The following ZNF583 variants were observed in gnomAD, a reference collection of about 807,000 sequenced individuals.
ZNF583 encodes zinc finger protein 583.
Under a neutral mutation model 55.3 loss-of-function variants are expected in ZNF583, and 30 were observed. The ratio of observed to expected loss-of-function variants is 0.54; its 90% CI spans 0.41 to 0.74. ZNF583 has a LOEUF of 0.74. Among genes scored for constraint, ZNF583 ranks in the 30% least tolerant of loss-of-function variants. ZNF583 has a pLI of 0.00. For missense variants in ZNF583, 504 were observed against 664.7 expected (o/e 0.76, Z 2.66); for synonymous variants, 208 against 220.0 (o/e 0.95, Z 0.48).
At chr19:56,418,015 T>C (rs1225334038) in intron 4 of ZNF583, among the ~76,000 whole-genome samples, 2 of 152,232 alleles carry the variant, frequency 1.3e-5, no homozygotes, top group Admixed American at 6.5e-5. Context: ...ATATGTCTAT[T>C]GTCTCACCAG....
intron 2 of ZNF583, among the ~76,000 whole-genome samples, chr19:56,408,647 GT>G (rs1320221036): frequency 6.6e-6 from 1 of 152,208 alleles, no homozygotes; most frequent in Non-Finnish European, 1.5e-5. Flanking sequence ...GATGTAAGAA[GT>G]TGTAATAAAA....
At chr19:56,415,056 G>A (rs1381811372) in intron 4 of ZNF583, among the ~76,000 whole-genome samples, 1 of 147,382 alleles carries the variant, frequency 6.8e-6, no homozygotes, top group Non-Finnish European at 1.5e-5. Flanking sequence ...GTTTTGTTTT[G>A]TTTTTCCCTT....
At chr19:56,420,384 G>A (rs1272790323) in intron 4 of ZNF583, among the ~76,000 whole-genome samples, 2 of 152,084 alleles carry the variant, frequency 1.3e-5, no homozygotes, top group African/African-American at 2.4e-5. Flanking sequence ...GTGTGCACTC[G>A]AATACATGTT....
At chr19:56,406,530 C>CTTTTTTTTTTTTTTTTTTTTTT (rs34274240) in intron 1 of ZNF583, among the ~76,000 whole-genome samples, 1 of 115,240 alleles carries the variant, frequency 8.7e-6, no homozygotes. Context: ...ATGTTGTATT[C>CTTTTTTTTTTTTTTTTTTTTTT]TTTTTTTTTT....
At position 56,414,071 on chromosome 19, in the gene ZNF583, G is replaced by A; in HGVS notation, c.122G>A (p.Ser41Asn). Residue 41 changes from serine (S) to asparagine (N), a missense_variant, in exon 3 of 5, where the codon AGC (serine) becomes AAC (asparagine). Physicochemically the swap from Ser to Asn is conservative, Grantham distance 46 (BLOSUM62 1). Transcript: ENST00000333201. ...AAAGTGATGTTGGAGAACTACAGGA[G>A]CTTGGTATCATTGGGTAAGGACATG... ...YRKVMLENYR[S>N]LVSLGVSVSK... The A allele has an allele frequency of 6.3e-7, 1 of 1,598,374 alleles. No individual in the cohort carries two copies. The highest frequency in any genetic ancestry group is 8.5e-7 in the Non-Finnish European group (1 of 1,173,384).
At chr19:56,411,889 C>A (rs977876641) in intron 2 of ZNF583, among the ~76,000 whole-genome samples, 5 of 152,110 alleles carry the variant, frequency 3.3e-5, no homozygotes, top group African/African-American at 1.2e-4. Flanking sequence ...AACATTGACT[C>A]ATTTTTTTTT....
At chr19:56,412,878 A>C (rs1203205859) in intron 2 of ZNF583, among the ~76,000 whole-genome samples, 1 of 152,122 alleles carries the variant, frequency 6.6e-6, no homozygotes, top group East Asian at 1.9e-4. Flanking sequence ...ATCTGTGACA[A>C]ATTTTTTCTT....
intron 2 of ZNF583, among the ~76,000 whole-genome samples, chr19:56,408,465 G>A (rs181690632): frequency 2.0e-5 from 3 of 152,296 alleles, no homozygotes; most frequent in East Asian, 1.9e-4. Context: ...AAATTTAGCC[G>A]TATGTAGCTA....
chr19:56,416,437 G>GT (rs1232928884), intron 4 of ZNF583, among the ~76,000 whole-genome samples: 5 of 150,228 alleles, frequency 3.3e-5, no homozygotes, highest in African/African-American at 9.8e-5. Flanking sequence ...CCAATTTTGT[G>GT]TTTTTTTCTG....
At position 56,414,051 on chromosome 19, in the gene ZNF583, G is replaced by A. The variant is rs753936320; in HGVS notation, c.102G>A (p.Val34=). The change falls in exon 3 of 5, where the codon GTG becomes GTA. Residue 34 remains valine, a synonymous_variant. Transcript: ENST00000333201. ...NPAQRNLYRK[V]MLENYRSLVS... is the part of the protein sequence containing the mutation. ...CTCAGAGGAATTTGTACAGGAAAGTGATGTTGGAGAACTACAGGAGCTTGG... is the reference window on the plus strand; with the variant it reads ...CTCAGAGGAATTTGTACAGGAAAGTAATGTTGGAGAACTACAGGAGCTTGG... 1.9e-5 allele frequency: 30 copies of A among 1,607,074 alleles called. No homozygotes were observed. Among genetic ancestry groups the A allele is most frequent in the Admixed American group, 3.4e-5 (2 of 58,806 alleles).
At position 56,424,047 on chromosome 19, in the gene ZNF583, C is replaced by A. The variant is rs1332743883; in HGVS notation, c.1389C>A (p.Pro463=). 4 of 1,613,722 alleles carry A rather than the reference C, an allele frequency of 2.5e-6. No homozygotes were observed. The highest frequency in any genetic ancestry group is 1.7e-5 in the Admixed American group (1 of 59,966). The change falls in exon 5 of 5, where the codon CCC becomes CCA. Residue 463 remains proline, a synonymous_variant. Transcript: ENST00000333201. ...QHQRSHTGEK[P]YMCKECRKTF... ...AGAGAAGTCATACTGGAGAAAAACC[C>A]TATATGTGTAAGGAATGTAGGAAAA...
Position 56,414,048 on chromosome 19 carries a change from A to G in ZNF583, c.99A>G (p.Lys33=), listed in dbSNP as rs201762230. Residue 33 remains lysine (K), a synonymous_variant, in exon 3 of 5, where the codon AAA becomes AAG. Coordinates refer to ENST00000333201, the MANE Select transcript of ZNF583 (RefSeq NM_152478.3). ...CTGCTCAGAGGAATTTGTACAGGAA[A>G]GTGATGTTGGAGAACTACAGGAGCT... The part of the protein sequence containing the change: ...LNPAQRNLYR[K]VMLENYRSLV... 1.4e-5 allele frequency: 23 copies of G among 1,607,510 alleles called. No individual in the cohort carries two copies. The Admixed American group carries it at 3.7e-4, about 26-fold the overall frequency.
upstream of ZNF583, chr19:56,404,286 C>T (rs1214702170): frequency 6.5e-6 from 1 of 152,758 alleles, no homozygotes; most frequent in Non-Finnish European, 1.5e-5. The surrounding 1 kb of genome is among the most constrained non-coding windows in gnomAD (Gnocchi z 5.2). Flanking sequence ...CTCTGCGCCG[C>T]GCCGGCCCCG....
chr19:56,423,797 A>G lies in ZNF583; in HGVS notation c.1139A>G (p.Tyr380Cys). The change falls in exon 5 of 5, where the codon TAC (tyrosine) becomes TGC (cysteine). Residue 380 changes from tyrosine to cysteine, a missense_variant. Tyr to Cys is a radical substitution (Grantham distance 194). This residue lies in a region of ZNF583 where 237 missense variants were observed against 373.0 expected (regional missense o/e 0.64). Transcript: ENST00000333201. Reference protein sequence around the residue: ...HQRIHTGERPYECKECRKAFS... With the variant: ...HQRIHTGERPCECKECRKAFS... ...AGAATTCATACTGGAGAGAGACCCT[A>G]CGAATGTAAGGAATGTAGGAAAGCC... is the stretch of plus-strand genomic sequence containing the variant. 1.2e-6 allele frequency: 2 copies of G among 1,613,668 alleles called. No individual in the cohort carries two copies. The highest frequency in any genetic ancestry group is 1.1e-5 in the South Asian group (1 of 91,070).
At chr19:56,420,550 T>A (rs2042398123) in intron 4 of ZNF583, among the ~76,000 whole-genome samples, 1 of 152,232 alleles carries the variant, frequency 6.6e-6, no homozygotes, top group South Asian at 2.1e-4. Context: ...TACCTATTTC[T>A]TACACTTTCA....
rs970428265 is a variant in ZNF583 at position 56,424,273 on chromosome 19, G to A, written c.1615G>A (p.Glu539Lys). The A allele has an allele frequency of 1.2e-6, 2 of 1,613,914 alleles. No homozygotes were observed. The highest frequency in any genetic ancestry group is 1.7e-6 in the Non-Finnish European group (2 of 1,179,944). Residue 539 changes from glutamate (E) to lysine (K), a missense_variant, in exon 5 of 5, where the codon GAG (glutamate) becomes AAG (lysine). Physicochemically the swap from Glu to Lys is moderately conservative, Grantham distance 56. Transcript: ENST00000333201. ...GCAGCGTGCACATCTTGCTCATCAT[G>A]AGAGAATTCATACTATGGAGTCATT... ...FRQRAHLAHH[E>K]RIHTMESFLT...
At chr19:56,406,468 C>T (rs2147546741) in intron 1 of ZNF583, among the ~76,000 whole-genome samples, 1 of 151,080 alleles carries the variant, frequency 6.6e-6, no homozygotes, top group East Asian at 1.9e-4. Flanking sequence ...TCTGTAATTG[C>T]TGTTTTTGTT....
rs1434073959 is a variant in ZNF583, at chr19:56,423,387, T to A, written c.729T>A (p.Val243=). 2 of 1,613,782 alleles carry A rather than the reference T, an allele frequency of 1.2e-6. No homozygotes were observed. Among genetic ancestry groups the A allele is most frequent in the African/African-American group, 2.7e-5 (2 of 74,852 alleles). The change falls in exon 5 of 5, where the codon GTT becomes GTA. Residue 243 remains valine, a synonymous_variant. Transcript: ENST00000333201. ...CTGGAGAGAAACCCTATGCATGTGT[T>A]GAATGTGGGAAAACGTTCAGCCAGA... ...IHTGEKPYAC[V]ECGKTFSQSA... is the part of the protein sequence containing the mutation.
rs557560530 is a variant in ZNF583 at position 56,423,798 on chromosome 19, C to T, written c.1140C>T (p.Tyr380=). 6.2e-5 allele frequency: 100 copies of T among 1,600,486 alleles called. No individual in the cohort carries two copies. Among genetic ancestry groups the T allele is most frequent in the South Asian group, 1.2e-4 (11 of 90,240 alleles). Residue 380 remains tyrosine, a synonymous_variant, in exon 5 of 5, where the codon TAC becomes TAT. Coordinates refer to ENST00000333201, the MANE Select transcript of ZNF583 (RefSeq NM_152478.3). The part of the protein sequence containing the change: ...HQRIHTGERP[Y]ECKECRKAFS... ...GAATTCATACTGGAGAGAGACCCTA[C>T]GAATGTAAGGAATGTAGGAAAGCCT...
Sources: allele counts gnomAD v4.1 joint callset (sites outside exome capture counted in the v4.1 genomes callset), GRCh38; gene constraint gnomAD v4.1.1; regional missense constraint gnomAD v4.1.1; non-coding constraint Gnocchi (gnomAD v3.1); transcripts MANE v1.5; gene names NCBI Gene and HGNC (gene_info 2026-07-23, HGNC 2026-07-21).